The following SCYL2 variants were observed in gnomAD, a reference collection of about 807,000 sequenced individuals.
SCYL2 encodes the protein SCY1-like protein 2.
Under a neutral mutation model 100.4 loss-of-function variants are expected in SCYL2, and 36 were observed. The observed-to-expected ratio is 0.36, with a 90% CI of 0.27 to 0.47. The LOEUF is 0.47. SCYL2 is among the 20% of genes least tolerant of loss of function. The pLI, the probability that SCYL2 is intolerant of heterozygous loss-of-function variation, is 1.00. For synonymous variants in SCYL2, 330 were observed against 359.2 expected (o/e 0.92, Z 0.92); for missense variants, 902 against 1,083.9 (o/e 0.83, Z 2.36).
At position 100,338,919 on chromosome 12, in the gene SCYL2, C is replaced by T; in HGVS notation, c.2537C>T (p.Pro846Leu). ...TCTGCCCTTAATAATCTCTTTGGCC[C>T]TCAGAAACCCAAAGTTAGCATGAAC... ...DMSALNNLFG[P>L]QKPKVSMNQL... The change falls in exon 18 of 18, where the codon CCT (proline) becomes CTT (leucine). Residue 846 changes from proline (P) to leucine (L), a missense_variant. Physicochemically the swap from Pro to Leu is moderately conservative, Grantham distance 98. Coordinates refer to ENST00000360820, the MANE Select transcript of SCYL2 (RefSeq NM_017988.6). 1.2e-6 allele frequency: 2 copies of T among 1,614,110 alleles called. No homozygotes were observed. The highest frequency in any genetic ancestry group is 1.7e-6 in the Non-Finnish European group (2 of 1,179,974).
intron 13 of SCYL2, among the ~76,000 whole-genome samples, chr12:100,331,784 TA>T (rs1592970377): frequency 2.6e-5 from 4 of 152,224 alleles, no homozygotes; most frequent in African/African-American, 9.6e-5. Context: ...GTTTCTCATT[TA>T]AGACTGCCTT....
chr12:100,323,475 A>G, intron 10 of SCYL2, 50 bp from the exon 11 acceptor site: 1 of 1,083,010 alleles, frequency 9.2e-7, no homozygotes, highest in Non-Finnish European at 1.4e-6. Flanking sequence ...AATATCAGAG[A>G]GAAAAGATGA....
At chr12:100,309,887 CAA>C (rs1170494575) in intron 4 of SCYL2, among the ~76,000 whole-genome samples, 1 of 152,194 alleles carries the variant, frequency 6.6e-6, no homozygotes, top group Non-Finnish European at 1.5e-5. Context: ...CAACAGTACA[CAA>C]AGATTCTAGT....
rs1488224296 is a variant in SCYL2 at position 100,340,787 on chromosome 12, A to G, written c.*1615A>G. On this transcript the variant is annotated 3_prime_UTR_variant, in exon 18 of 18. Transcript: ENST00000360820. Reference sequence around the variant, plus strand: ...AAGGACTAACAGAATTGCTAAAGAAATGCATCCAATAAATGAAAAACAGTA... The same window carrying G: ...AAGGACTAACAGAATTGCTAAAGAAGTGCATCCAATAAATGAAAAACAGTA... 6.6e-6 allele frequency: 1 copy of G among 152,096 alleles called. No individual in the cohort carries two copies. Among genetic ancestry groups the G allele is most frequent in the Admixed American group, 6.5e-5 (1 of 15,272 alleles). The allele number at this position is 152,096 out of a possible 1,614,324, so 9.4% of individuals were successfully genotyped here.
chr12:100,286,212 C>T (rs1215489686), intron 2 of SCYL2, among the ~76,000 whole-genome samples: 1 of 151,846 alleles, frequency 6.6e-6, no homozygotes, highest in Non-Finnish European at 1.5e-5. Context: ...AAATATCAAG[C>T]TAAGGGATTT....
chr12:100,316,480 G>C (rs17030088), intron 9 of SCYL2, among the ~76,000 whole-genome samples: 6,717 of 152,294 alleles, frequency 0.044, 485 homozygotes, highest in African/African-American at 0.14. Context: ...TTACATGTTT[G>C]TAGCATTGTA....
intron 3 of SCYL2, among the ~76,000 whole-genome samples, chr12:100,294,911 G>A (rs1247275661): frequency 2.0e-5 from 3 of 149,588 alleles, no homozygotes; most frequent in East Asian, 2.0e-4. Context: ...CGGGGCGGCT[G>A]CTGGGCGGAG....
chr12:100,275,221 A>C lies in SCYL2; in HGVS notation c.-29+7429A>C, dbSNP rs562638358. Among the ~76,000 whole-genome samples, 281 of 150,510 alleles carry C rather than the reference A, an allele frequency of 1.9e-3. 2 individuals carry two copies. The highest frequency in any genetic ancestry group is 3.1e-3 in the Non-Finnish European group (213 of 67,728). ...ATTTCTTTTTTTTTTCTTTTTTTTGAGACAGGGTCTCACCCTGTCACCCAG... is the reference window on the plus strand; with the variant it reads ...ATTTCTTTTTTTTTTCTTTTTTTTGCGACAGGGTCTCACCCTGTCACCCAG... On this transcript the variant is annotated intron_variant, in intron 1 of 17. Coordinates refer to ENST00000360820, the MANE Select transcript of SCYL2 (RefSeq NM_017988.6).
At chr12:100,309,233 C>T (rs1226891826) in intron 4 of SCYL2, among the ~76,000 whole-genome samples, 2 of 151,996 alleles carry the variant, frequency 1.3e-5, no homozygotes, top group East Asian at 1.9e-4. Context: ...CTGCCCTCTT[C>T]CATCTTAACC....
intron 4 of SCYL2, among the ~76,000 whole-genome samples, chr12:100,299,321 CATT>C (rs956588672): frequency 3.3e-5 from 5 of 152,140 alleles, no homozygotes; most frequent in African/African-American, 1.2e-4. Context: ...TTTGGGCAGA[CATT>C]ATTTTTATTA....
intron 1 of SCYL2, among the ~76,000 whole-genome samples, chr12:100,281,306 A>T (rs574950435): frequency 1.3e-5 from 2 of 152,226 alleles, no homozygotes; most frequent in East Asian, 3.9e-4. Flanking sequence ...TGGGATTACA[A>T]GCCTGAATGC....
chr12:100,319,581 G>A (rs1314829606), intron 10 of SCYL2, among the ~76,000 whole-genome samples: 6 of 152,086 alleles, frequency 3.9e-5, no homozygotes, highest in Non-Finnish European at 5.9e-5. Flanking sequence ...GTGCAGTGGC[G>A]CAATCTTGGC....
intron 13 of SCYL2, among the ~76,000 whole-genome samples, chr12:100,331,329 A>G (rs1366236011): frequency 3.3e-5 from 5 of 152,078 alleles, no homozygotes; most frequent in Non-Finnish European, 5.9e-5. Context: ...TGCTTATTTT[A>G]GGATATATAG....
intron 1 of SCYL2, among the ~76,000 whole-genome samples, chr12:100,270,922 T>G (rs2096286943): frequency 6.6e-6 from 1 of 152,046 alleles, no homozygotes; most frequent in South Asian, 2.1e-4. Flanking sequence ...TGTACTAACT[T>G]GGCTGTACAT....
intron 2 of SCYL2, among the ~76,000 whole-genome samples, chr12:100,286,585 T>A (rs2096304701): frequency 6.6e-6 from 1 of 152,114 alleles, no homozygotes; most frequent in African/African-American, 2.4e-5. Context: ...GAAATGACTG[T>A]TTCTGTGAGG....
At chr12:100,285,502 G>T (rs1482316188) in intron 2 of SCYL2, among the ~76,000 whole-genome samples, 1 of 152,156 alleles carries the variant, frequency 6.6e-6, no homozygotes, top group Non-Finnish European at 1.5e-5. Flanking sequence ...TTCCGGTGTG[G>T]TGCCAGTATA....
At chr12:100,288,948 T>C (rs1006947701) in intron 2 of SCYL2, among the ~76,000 whole-genome samples, 14 of 152,070 alleles carry the variant, frequency 9.2e-5, no homozygotes, top group African/African-American at 3.1e-4. Context: ...CTGGACACTT[T>C]GGAGTACCCA....
intron 7 of SCYL2, among the ~76,000 whole-genome samples, chr12:100,313,751 T>C (rs912649867): frequency 2.0e-5 from 3 of 152,242 alleles, no homozygotes; most frequent in Non-Finnish European, 2.9e-5. Flanking sequence ...CAGCTAAATA[T>C]GTACGTAATT....
chr12:100,309,561 T>C (rs1414190194), intron 4 of SCYL2, among the ~76,000 whole-genome samples: 1 of 152,254 alleles, frequency 6.6e-6, no homozygotes, highest in Non-Finnish European at 1.5e-5. Flanking sequence ...TGGAATTTCC[T>C]TCCTTTTAAA....
Sources: allele counts gnomAD v4.1 joint callset (sites outside exome capture counted in the v4.1 genomes callset), GRCh38; gene constraint gnomAD v4.1.1; transcripts MANE v1.5; gene names NCBI Gene and HGNC (gene_info 2026-07-23, HGNC 2026-07-21).